Variants in NEMP2 observed in about 807,000 individuals in gnomAD.
NEMP2 encodes UPF0571 transmembrane protein.
In NEMP2, 53 loss-of-function variants were observed where a neutral mutation model predicts 54.2. The observed-to-expected ratio is 0.98, with a 90% confidence interval of 0.78 to 1.23. NEMP2 has a LOEUF of 1.23. Among genes scored for constraint, NEMP2 ranks in the 50% most tolerant of loss-of-function variants. The pLI, the probability that NEMP2 is intolerant of heterozygous loss-of-function variation, is 0.00. For missense variants in NEMP2, 455 were observed against 511.3 expected (o/e 0.89, Z 1.06); for synonymous variants, 197 against 190.3 (o/e 1.04, Z -0.29).
chr2:190,639,758 C>T, the NEMP2 span, among the ~76,000 whole-genome samples: 1 of 152,112 alleles, frequency 6.6e-6, no homozygotes, highest in Admixed American at 6.5e-5. Flanking sequence ...AAGTGATTCT[C>T]CTGCTTCAGC....
chr2:190,457,421 C>T, the NEMP2 span, among the ~76,000 whole-genome samples: 1 of 152,184 alleles, frequency 6.6e-6, no homozygotes, highest in East Asian at 1.9e-4. This position sits in a 1 kb window ranked among gnomAD's most constrained non-coding sequence, Gnocchi z 5.1. Context: ...CCCCTACCCC[C>T]AGGACTCAGA....
At position 190,510,559 on chromosome 2, in the gene NEMP2, C is replaced by A. The variant is rs1237745214; in HGVS notation, c.954-22G>T. The A allele has an allele frequency of 6.4e-7, 1 of 1,551,168 alleles. No individual in the cohort carries two copies. The highest frequency in any genetic ancestry group is 8.7e-7 in the Non-Finnish European group (1 of 1,146,632). On this transcript the variant is annotated intron_variant, in intron 7 of 8. Coordinates refer to ENST00000409150, the MANE Select transcript of NEMP2 (RefSeq NM_001142645.2). The surrounding 1 kb of genome is among the most constrained non-coding windows in gnomAD (Gnocchi z 5.7). The stretch of plus-strand genomic sequence containing the variant: ...TTTCCTAAAACATGGCATGTGGTTG[C>A]AGGATTACTTCCTAATTCAATCCTT...
At chr2:190,465,294 G>A in the NEMP2 span, among the ~76,000 whole-genome samples, 4 of 152,102 alleles carry the variant, frequency 2.6e-5, no homozygotes, top group South Asian at 6.2e-4. This position sits in a 1 kb window ranked among gnomAD's most constrained non-coding sequence, Gnocchi z 4.6. Context: ...CCAACCACCT[G>A]TTCTAAAATT....
chr2:190,533,911 G>A lies in NEMP2; in HGVS notation c.97+648C>T. 5.4e-6 allele frequency: 5 copies of A among 932,576 alleles called. No individual in the cohort carries two copies. Among genetic ancestry groups the A allele is most frequent in the Non-Finnish European group, 5.1e-6 (4 of 781,872 alleles). 57.8% of individuals were successfully genotyped at this position (932,576 alleles called of 1,614,324 possible). ...TGTGCCAGCATCTTAAGCCCACTCC[G>A]TGGCGAGCCCCTACAGCTAGCAGCC... On this transcript the variant is annotated intron_variant, in intron 1 of 8. Transcript: ENST00000409150. This position sits in a 1 kb window ranked among gnomAD's most constrained non-coding sequence, Gnocchi z 4.3.
rs1018084212 is a variant in NEMP2, at chr2:190,509,052, T to C, written c.*137A>G. 10 of 1,372,478 alleles carry C rather than the reference T, an allele frequency of 7.3e-6. No individual in the cohort carries two copies. The highest frequency in any genetic ancestry group is 9.7e-6 in the Non-Finnish European group (10 of 1,034,304). The allele number at this position is 1,372,478 out of a possible 1,614,324, so 85.0% of individuals were successfully genotyped here. ...TATCTTCAAAATGGGTTGGTTTCCC[T>C]TTCCAGACTGACTTGTTTTTCTCCA... On this transcript the variant is annotated 3_prime_UTR_variant, in exon 9 of 9. Transcript: ENST00000409150. This position sits in a 1 kb window ranked among gnomAD's most constrained non-coding sequence, Gnocchi z 6.1.
At chr2:190,648,490 G>T in the NEMP2 span, 1 of 150,914 alleles carries the variant, frequency 6.6e-6, no homozygotes, top group East Asian at 2.0e-4. Flanking sequence ...GAGCCTGCGG[G>T]GGCCAGGGGA....
chr2:190,640,787 A>ATTTTTT, the NEMP2 span, among the ~76,000 whole-genome samples: 7 of 118,030 alleles, frequency 5.9e-5, no homozygotes, highest in African/African-American at 1.7e-4. Flanking sequence ...AACACATTCA[A>ATTTTTT]TTTTTTTTTT....
the NEMP2 span, chr2:190,646,683 T>C: frequency 1.3e-5 from 2 of 152,216 alleles, no homozygotes; most frequent in African/African-American, 2.4e-5. Flanking sequence ...CAAACAAGGA[T>C]AGATTCCACT....
chr2:190,616,396 A>C, the NEMP2 span, among the ~76,000 whole-genome samples: 3 of 151,932 alleles, frequency 2.0e-5, no homozygotes, highest in Non-Finnish European at 4.4e-5. This position sits in a 1 kb window ranked among gnomAD's most constrained non-coding sequence, Gnocchi z 5.1. Context: ...AATGAATAGA[A>C]AAATTAGTAG....
chr2:190,606,846 T>C, the NEMP2 span, among the ~76,000 whole-genome samples: 13 of 152,372 alleles, frequency 8.5e-5, no homozygotes, highest in African/African-American at 2.9e-4. Flanking sequence ...TTTTTCCCAA[T>C]GCATTTACTT....
Position 190,510,333 on chromosome 2 carries a change from A to G in NEMP2, c.1130+28T>C, listed in dbSNP as rs1381195354. ...TTTTTAAATCATTCTGAACTAAACT[A>G]TGGTCCGAGCAGCAGAGCGGGACTT... is the stretch of plus-strand genomic sequence containing the variant. On this transcript the variant is annotated intron_variant, in intron 8 of 8. Transcript: ENST00000409150. The surrounding 1 kb of genome is among the most constrained non-coding windows in gnomAD (Gnocchi z 5.7). The G allele has an allele frequency of 6.4e-7, 1 of 1,550,484 alleles. No homozygotes were observed. The highest frequency in any genetic ancestry group is 8.7e-7 in the Non-Finnish European group (1 of 1,146,136).
the NEMP2 span, among the ~76,000 whole-genome samples, chr2:190,422,650 T>C: frequency 6.6e-6 from 1 of 152,236 alleles, no homozygotes; most frequent in Admixed American, 6.5e-5. Context: ...TTTGTCCCAG[T>C]GTTCTGAAAC....
the NEMP2 span, among the ~76,000 whole-genome samples, chr2:190,558,276 A>G: frequency 2.0e-5 from 3 of 152,206 alleles, no homozygotes; most frequent in East Asian, 5.8e-4. This position sits in a 1 kb window ranked among gnomAD's most constrained non-coding sequence, Gnocchi z 4.4. Context: ...GAATAATGAG[A>G]ACACATGGAC....
rs1228186708 is a variant in NEMP2 at position 190,523,933 on chromosome 2, T to C, written c.213+1330A>G. Among the ~76,000 whole-genome samples, 1 of 152,022 alleles carries C rather than the reference T, an allele frequency of 6.6e-6. No individual in the cohort carries two copies. The highest frequency in any genetic ancestry group is 1.5e-5 in the Non-Finnish European group (1 of 68,018). ...AATGGAATAATGGTGCCAGGCGCAG[T>C]GGCTTGCGCCTGTAATCCCAGCATT... On this transcript the variant is annotated intron_variant, in intron 2 of 8. Transcript: ENST00000409150. The surrounding 1 kb of genome is among the most constrained non-coding windows in gnomAD (Gnocchi z 5.3).
the NEMP2 span, among the ~76,000 whole-genome samples, chr2:190,549,196 G>A: frequency 6.6e-6 from 1 of 152,198 alleles, no homozygotes; most frequent in African/African-American, 2.4e-5. Context: ...TGGATTCAAA[G>A]GCTTCCGCAG....
the NEMP2 span, among the ~76,000 whole-genome samples, chr2:190,583,231 CTT>C: frequency 2.8e-3 from 402 of 141,560 alleles, no homozygotes; most frequent in Admixed American, 4.5e-3. Flanking sequence ...AGTCATAGGT[CTT>C]TTTTTTTTTT....
chr2:190,436,625 G>T, the NEMP2 span: 5 of 1,614,172 alleles, frequency 3.1e-6, no homozygotes, highest in Non-Finnish European at 4.2e-6. The surrounding 1 kb of genome is among the most constrained non-coding windows in gnomAD (Gnocchi z 5.3). Flanking sequence ...CGTGAGAAAA[G>T]AAACCTTTTG....
the NEMP2 span, among the ~76,000 whole-genome samples, chr2:190,558,325 G>T: frequency 6.6e-6 from 1 of 152,116 alleles, no homozygotes; most frequent in Non-Finnish European, 1.5e-5. This position sits in a 1 kb window ranked among gnomAD's most constrained non-coding sequence, Gnocchi z 4.4. Flanking sequence ...CCTGTTTGGG[G>T]TTAGGGGCTA....
Position 190,525,325 on chromosome 2 carries a change from C to G in NEMP2, c.151G>C (p.Asp51His). The G allele has an allele frequency of 1.3e-6, 2 of 1,550,842 alleles. No individual in the cohort carries two copies. The highest frequency in any genetic ancestry group is 1.7e-6 in the Non-Finnish European group (2 of 1,146,480). The change falls in exon 2 of 9, where the codon GAC becomes CAC. Residue 51 changes from aspartate (D) to histidine (H), a missense_variant. Asp to His is a moderately conservative substitution (Grantham distance 81). Transcript: ENST00000409150. The surrounding 1 kb of genome is among the most constrained non-coding windows in gnomAD (Gnocchi z 5.0). ...GAATTTTGATTGTAGCAGTAACAGTCTGACTCAGACGTTCTAATTAAATCT... is the reference window on the plus strand; with the variant it reads ...GAATTTTGATTGTAGCAGTAACAGTGTGACTCAGACGTTCTAATTAAATCT... ...EKDLIRTSES[D>H]CYCYNQNSQV...
Sources: gnomAD v4.1 joint callset for allele counts (sites outside exome capture counted in the v4.1 genomes callset) on GRCh38, gnomAD v4.1.1 for gene constraint, Gnocchi (gnomAD v3.1) non-coding constraint, MANE v1.5 for transcripts, NCBI Gene and HGNC (gene_info 2026-07-23, HGNC 2026-07-21) for gene names.